Variants in CDYL2 observed in about 807,000 individuals in gnomAD.
The protein encoded by CDYL2 is chromodomain Y like 2.
CDYL2 carries 23 observed loss-of-function variants against 49.4 expected under a neutral mutation model. The ratio of observed to expected loss-of-function variants is 0.47; its 90% CI spans 0.34 to 0.66. The LOEUF is 0.66. Among genes scored for constraint, CDYL2 ranks in the 30% least tolerant of loss-of-function variants. The pLI, the probability that CDYL2 is intolerant of heterozygous loss-of-function variation, is 0.01. For missense variants in CDYL2, 678 were observed against 656.4 expected (o/e 1.03, Z -0.36); for synonymous variants, 360 against 268.8 (o/e 1.34, Z -3.32).
intron 2 of CDYL2, among the ~76,000 whole-genome samples, chr16:80,653,914 G>C (rs931996081): frequency 6.6e-6 from 1 of 152,178 alleles, no homozygotes; most frequent in Non-Finnish European, 1.5e-5. Flanking sequence ...CCAGGATCCA[G>C]ACAACCCAAG....
At chr16:80,693,854 C>CA (rs1269875982) in intron 1 of CDYL2, among the ~76,000 whole-genome samples, 1 of 152,116 alleles carries the variant, frequency 6.6e-6, no homozygotes, top group Non-Finnish European at 1.5e-5. Context: ...ACCAAGGTGT[C>CA]AGAGGCTCCC....
chr16:80,670,642 C>G (rs1909462990), intron 2 of CDYL2, among the ~76,000 whole-genome samples: 1 of 152,144 alleles, frequency 6.6e-6, no homozygotes, highest in Admixed American at 6.5e-5. Context: ...TCAGAGAACC[C>G]CGGGGCTCCG....
chr16:80,640,320 C>G (rs995054367), intron 2 of CDYL2, among the ~76,000 whole-genome samples: 7 of 152,152 alleles, frequency 4.6e-5, no homozygotes, highest in African/African-American at 1.7e-4. Flanking sequence ...TCATGAGGCC[C>G]AGTCTGGGCC....
In CDYL2 at chr16:80,693,824, G is replaced by C. The variant is rs114051990; in HGVS notation, c.25-8695C>G. 4.2e-3 allele frequency among the ~76,000 whole-genome samples: 642 copies of C among 151,948 alleles called. 6 individuals carry two copies. Among genetic ancestry groups the C allele is most frequent in the African/African-American group, 0.015 (624 of 41,390 alleles). On this transcript the variant is annotated intron_variant, in intron 1 of 6. Coordinates refer to ENST00000570137, the MANE Select transcript of CDYL2 (RefSeq NM_152342.4). ...AAAAAAAGAGTGACCTTTTCTGTACGCACTTTTAAAAAAAAATCAACCAAG... is the reference window on the plus strand; with the variant it reads ...AAAAAAAGAGTGACCTTTTCTGTACCCACTTTTAAAAAAAAATCAACCAAG...
At chr16:80,658,896 T>C (rs1035834383) in intron 2 of CDYL2, among the ~76,000 whole-genome samples, 3 of 152,166 alleles carry the variant, frequency 2.0e-5, no homozygotes, top group African/African-American at 7.2e-5. Context: ...ATCAAAAGAA[T>C]AGCCAGGCAT....
intron 1 of CDYL2, among the ~76,000 whole-genome samples, chr16:80,687,977 C>T (rs66864132): frequency 0.06 from 9,140 of 152,206 alleles, 490 homozygotes; most frequent in African/African-American, 0.15. Flanking sequence ...TCAACTCCTC[C>T]ATGGGAAGAA....
chr16:80,775,043 A>C (rs1343547485), intron 1 of CDYL2, among the ~76,000 whole-genome samples: 1 of 152,016 alleles, frequency 6.6e-6, no homozygotes, highest in Non-Finnish European at 1.5e-5. Context: ...AGGTAACTAT[A>C]TTATATCTTC....
At chr16:80,729,376 G>A (rs1006071008) in intron 1 of CDYL2, among the ~76,000 whole-genome samples, 2 of 151,978 alleles carry the variant, frequency 1.3e-5, no homozygotes, top group Non-Finnish European at 2.9e-5. Context: ...AATGGTAAAG[G>A]GATCAATTCA....
chr16:80,668,118 G>A (rs1351859474), intron 2 of CDYL2, among the ~76,000 whole-genome samples: 3 of 152,230 alleles, frequency 2.0e-5, no homozygotes, highest in Non-Finnish European at 4.4e-5. Flanking sequence ...CAGCCCAGAT[G>A]GCCATCACAG....
Position 80,633,233 on chromosome 16 carries a change from G to T in CDYL2, c.620C>A (p.Ser207Tyr), listed in dbSNP as rs879863061. Residue 207 changes from serine (S) to tyrosine (Y), a missense_variant, in exon 3 of 7, where the codon TCT becomes TAT. Ser to Tyr is a moderately radical substitution (Grantham distance 144). Transcript: ENST00000570137. ...HATLAENGLG[S>Y]ALTNGGLNLH... ...GTTCAATCCCCCGTTGGTCAGAGCA[G>T]AGCCTTCCAAAACCAGATAAACAAT... The T allele has an allele frequency of 5.6e-6, 9 of 1,611,898 alleles. No individual in the cohort carries two copies. Among genetic ancestry groups the T allele is most frequent in the Non-Finnish European group, 7.6e-6 (9 of 1,178,158 alleles).
chr16:80,759,770 T>C (rs1449995501), intron 1 of CDYL2, among the ~76,000 whole-genome samples: 1 of 152,144 alleles, frequency 6.6e-6, no homozygotes. Flanking sequence ...CATTCAGCAA[T>C]TGCACAAACC....
At chr16:80,728,025 C>G (rs1473962967) in intron 1 of CDYL2, among the ~76,000 whole-genome samples, 1 of 152,150 alleles carries the variant, frequency 6.6e-6, no homozygotes, top group African/African-American at 2.4e-5. Context: ...AAACTGGAAA[C>G]TCTAAAAAGC....
intron 1 of CDYL2, among the ~76,000 whole-genome samples, chr16:80,773,582 C>A (rs937426407): frequency 2.6e-5 from 4 of 152,086 alleles, no homozygotes; most frequent in African/African-American, 9.7e-5. Flanking sequence ...AATTCTGATA[C>A]ATCTTAAAGT....
At chr16:80,767,081 T>A (rs546140306) in intron 1 of CDYL2, among the ~76,000 whole-genome samples, 23 of 152,136 alleles carry the variant, frequency 1.5e-4, no homozygotes, top group African/African-American at 5.5e-4. Context: ...AACCTGCACA[T>A]TGCTCACATA....
intron 1 of CDYL2, among the ~76,000 whole-genome samples, chr16:80,788,899 A>G (rs1248709933): frequency 6.6e-6 from 1 of 152,212 alleles, no homozygotes; most frequent in African/African-American, 2.4e-5. Context: ...TCAACAAGAA[A>G]AAAACAAACA....
intron 2 of CDYL2, among the ~76,000 whole-genome samples, chr16:80,648,876 C>CA (rs1490236038): frequency 6.6e-6 from 1 of 152,088 alleles, no homozygotes. Flanking sequence ...ATCATATCAA[C>CA]AGAATGATGG....
In CDYL2 at chr16:80,633,003, G is replaced by A. The variant is rs552669717; in HGVS notation, c.834+16C>T. On this transcript the variant is annotated intron_variant, in intron 3 of 6. Transcript: ENST00000570137. ...CACAGCCCAGCTTGCCCTTCCCTCT[G>A]GCCGCCACCCCTTACCTCAGGTGTC... is the stretch of plus-strand genomic sequence containing the variant. 3.0e-5 allele frequency: 48 copies of A among 1,609,752 alleles called. No individual in the cohort carries two copies. In the South Asian group the frequency reaches 5.1e-4, roughly 17 times the overall value.
Position 80,633,053 on chromosome 16 carries a change from C to A in CDYL2, c.800G>T (p.Ser267Ile), listed in dbSNP as rs1785528818. 1.2e-6 allele frequency: 2 copies of A among 1,614,170 alleles called. No individual in the cohort carries two copies. Among genetic ancestry groups the A allele is most frequent in the Non-Finnish European group, 1.7e-6 (2 of 1,180,014 alleles). The change falls in exon 3 of 7, where the codon AGT (serine) becomes ATT (isoleucine). Residue 267 changes from serine to isoleucine, a missense_variant. Ser to Ile is a moderately radical substitution (Grantham distance 142). This residue lies in a region of CDYL2 where 478 missense variants were observed against 427.0 expected (regional missense o/e 1.12). Transcript: ENST00000570137. ...EEGFTHILLSSQTSDNNALTP... is the reference protein window; with the variant it reads ...EEGFTHILLSIQTSDNNALTP... ...CAGGGCATTGTTATCCGAGGTCTGA[C>A]TGGACAGCAGGATGTGCGTGAACCC...
intron 2 of CDYL2, among the ~76,000 whole-genome samples, chr16:80,664,940 G>A (rs1909198619): frequency 6.6e-6 from 1 of 152,166 alleles, no homozygotes; most frequent in Admixed American, 6.5e-5. Context: ...TTTTGACATG[G>A]TATGGAGATT....
Sources: gnomAD v4.1 joint callset for allele counts (sites outside exome capture counted in the v4.1 genomes callset) on GRCh38, gnomAD v4.1.1 for gene constraint, gnomAD v4.1.1 regional missense constraint, MANE v1.5 for transcripts, NCBI Gene and HGNC (gene_info 2026-07-23, HGNC 2026-07-21) for gene names.